The following COL12A1 variants were observed in gnomAD, a reference collection of about 807,000 sequenced individuals.
COL12A1 encodes collagen type XII alpha 1 chain.
Under a neutral mutation model 349.7 loss-of-function variants are expected in COL12A1, and 114 were observed. The ratio of observed to expected loss-of-function variants is 0.33; its 90% CI spans 0.28 to 0.38. COL12A1 has a LOEUF of 0.38. COL12A1 is among the 10% of genes least tolerant of loss of function. The pLI, the probability that COL12A1 is intolerant of heterozygous loss-of-function variation, is 1.00. For missense variants in COL12A1, 3,284 were observed against 3,756.9 expected (o/e 0.87, Z 3.29); for synonymous variants, 1,369 against 1,329.0 (o/e 1.03, Z -0.66).
rs890624153 is a variant in COL12A1 at position 75,117,679 on chromosome 6, G to A, written c.7355-133C>T. On this transcript the variant is annotated intron_variant, in intron 46 of 65. Transcript: ENST00000322507. The stretch of plus-strand genomic sequence containing the variant: ...TATGCAGCAAGTCCTTTTACTTGAC[G>A]TGAACTCTCTTTAATAAATACATAC... 2.7e-5 allele frequency: 22 copies of A among 810,198 alleles called. No homozygotes were observed. The East Asian group carries it at 4.0e-4, about 15-fold the overall frequency. 50.2% of individuals were successfully genotyped at this position (810,198 alleles called of 1,614,324 possible).
Position 75,181,074 on chromosome 6 carries a change from C to A in COL12A1, c.2029G>T (p.Val677Leu), listed in dbSNP as rs1467680518. The A allele has an allele frequency of 2.5e-6, 4 of 1,614,082 alleles. No individual in the cohort carries two copies. The South Asian group carries it at 4.4e-5, about 18-fold the overall frequency. ...CTGGTGCTCGATGCTGGCTCCACCA[C>A]AGTGACCTCATCATCCCCAGCCGCT... ...KEAAGDDEVT[V>L]VEPASSTSVV... The change falls in exon 11 of 66, where the codon GTG (valine) becomes TTG (leucine). Residue 677 changes from valine (V) to leucine (L), a missense_variant. Transcript: ENST00000322507.
At position 75,085,411 on chromosome 6, in the gene COL12A1, C is replaced by CACAA. The variant is rs1416614481; in HGVS notation, c.*1135_*1136insTTGT. On this transcript the variant is annotated 3_prime_UTR_variant, in exon 66 of 66. Coordinates refer to ENST00000322507, the MANE Select transcript of COL12A1 (RefSeq NM_004370.6). The stretch of plus-strand genomic sequence containing the variant: ...ATTATGGCATGATTTGGAAGGCACA[C>CACAA]ACACACACACACAGCAAAAGCTAAA... The CACAA allele has an allele frequency of 1.3e-5, 6 of 461,126 alleles. No individual in the cohort carries two copies. Among genetic ancestry groups the CACAA allele is most frequent in the Non-Finnish European group, 2.7e-5 (6 of 219,686 alleles). 28.6% of individuals were successfully genotyped at this position (461,126 alleles called of 1,614,324 possible).
intron 8 of COL12A1, 74 bp downstream of exon 8, chr6:75,188,288 A>G: frequency 7.1e-7 from 1 of 1,413,000 alleles, no homozygotes; most frequent in Non-Finnish European, 9.6e-7. Flanking sequence ...AAATATGTCT[A>G]CTTCTAAGAT....
intron 13 of COL12A1, among the ~76,000 whole-genome samples, chr6:75,174,424 C>T (rs1256063905): frequency 2.6e-5 from 4 of 152,058 alleles, no homozygotes; most frequent in Admixed American, 6.6e-5. Flanking sequence ...GGCGTGGTGG[C>T]GGGCGCCTGT....
In COL12A1 at chr6:75,156,389, C is replaced by A. The variant is rs556953110; in HGVS notation, c.3118G>T (p.Val1040Phe). Residue 1040 changes from valine (V) to phenylalanine (F), a missense_variant, in exon 15 of 66, where the codon GTT becomes TTT. This residue lies in a region of COL12A1 where 2,601 missense variants were observed against 2,824.8 expected (regional missense o/e 0.92). Transcript: ENST00000322507. ...YRPHGRGKQM[V>F]AKVPPTVTST... ...GTGACTGTGGGGGGCACCTTAGCAA[C>A]CATTTGCTTCCCTCTCCCATGAGGG... 6.2e-7 allele frequency: 1 copy of A among 1,613,908 alleles called. No homozygotes were observed. The highest frequency in any genetic ancestry group is 1.3e-5 in the African/African-American group (1 of 75,034).
In COL12A1 at chr6:75,180,954, C is replaced by G; in HGVS notation, c.2149G>C (p.Glu717Gln). 1 of 1,612,860 alleles carries G rather than the reference C, an allele frequency of 6.2e-7. No homozygotes were observed. The highest frequency in any genetic ancestry group is 8.5e-7 in the Non-Finnish European group (1 of 1,179,062). ...DGFSIPLAGE[E>Q]TTEEVKGAPR... ...CCCATCACACCTTCTTCGGTGGTCTCCTCTCCAGCTAAGGGAATGCTGAAG... is the reference window on the plus strand; with the variant it reads ...CCCATCACACCTTCTTCGGTGGTCTGCTCTCCAGCTAAGGGAATGCTGAAG... The change falls in exon 11 of 66, where the codon GAG becomes CAG. Residue 717 changes from glutamate to glutamine, a missense_variant. Glu to Gln is a conservative substitution (Grantham distance 29). Around this residue, in one of 2 missense-constraint regions of COL12A1, gnomAD observed 2,601 missense variants for 2,824.8 expected, o/e 0.92. Coordinates refer to ENST00000322507, the MANE Select transcript of COL12A1 (RefSeq NM_004370.6).
intron 14 of COL12A1, among the ~76,000 whole-genome samples, chr6:75,157,162 C>A (rs948556875): frequency 6.6e-5 from 10 of 151,974 alleles, no homozygotes; most frequent in African/African-American, 2.4e-4. Context: ...TTATTAAATT[C>A]CGTTTACTAA....
At chr6:75,181,318 G>T in intron 10 of COL12A1, 107 bp from the exon 11 acceptor site, 1 of 1,111,180 alleles carries the variant, frequency 9.0e-7, no homozygotes, top group Non-Finnish European at 1.3e-6. Flanking sequence ...TTGGGAGAAT[G>T]GTGCTCATTG....
intron 4 of COL12A1, 40 bp downstream of exon 4, chr6:75,192,172 T>C (rs1377825748): frequency 2.1e-6 from 3 of 1,407,956 alleles, no homozygotes; most frequent in South Asian, 3.1e-5. Flanking sequence ...TTCTGCAAAA[T>C]AAAAATTATA....
chr6:75,171,332 A>AC (rs1423947150), intron 13 of COL12A1, among the ~76,000 whole-genome samples: 2 of 152,222 alleles, frequency 1.3e-5, no homozygotes, highest in East Asian at 3.8e-4. Context: ...ACTACAGCCA[A>AC]CCATGAACTT....
At chr6:75,198,879 C>G (rs1391365679) in intron 2 of COL12A1, among the ~76,000 whole-genome samples, 1 of 152,152 alleles carries the variant, frequency 6.6e-6, no homozygotes, top group Non-Finnish European at 1.5e-5. Context: ...GATAACAACA[C>G]TGGAAAGGAT....
chr6:75,194,794 G>A, intron 3 of COL12A1, 37 bp downstream of exon 3: 1 of 1,306,340 alleles, frequency 7.7e-7, no homozygotes, highest in Non-Finnish European at 1.1e-6. Flanking sequence ...ATATCATCAT[G>A]ATGCTTCTGT....
chr6:75,127,400 T>C (rs543062724), intron 38 of COL12A1, among the ~76,000 whole-genome samples: 57 of 152,298 alleles, frequency 3.7e-4, no homozygotes, highest in African/African-American at 1.1e-3. Flanking sequence ...ATGTCACCTC[T>C]TCAAATTCTG....
At chr6:75,196,305 T>A (rs1293451478) in intron 2 of COL12A1, among the ~76,000 whole-genome samples, 2 of 152,350 alleles carry the variant, frequency 1.3e-5, no homozygotes, top group East Asian at 3.9e-4. Flanking sequence ...GAGATTACAA[T>A]TTCCTTTCAG....
intron 61 of COL12A1, 23 bp downstream of exon 61, chr6:75,091,467 T>TA: frequency 6.2e-7 from 1 of 1,612,868 alleles, no homozygotes; most frequent in Non-Finnish European, 8.5e-7. Context: ...AAAATAAACG[T>TA]AAGATTTTTT....
At chr6:75,162,637 C>T (rs1210296585) in intron 14 of COL12A1, among the ~76,000 whole-genome samples, 1 of 152,082 alleles carries the variant, frequency 6.6e-6, no homozygotes, top group Non-Finnish European at 1.5e-5. Flanking sequence ...AAAGCAATGG[C>T]AATAAAAGCC....
chr6:75,192,350 G>A lies in COL12A1; in HGVS notation c.196C>T (p.Pro66Ser). 1.9e-6 allele frequency: 3 copies of A among 1,610,248 alleles called. No individual in the cohort carries two copies. Reference protein sequence around the residue: ...RITVDPTTDGPTKEFTLSAST... With the variant: ...RITVDPTTDGSTKEFTLSAST... Reference sequence around the variant, plus strand: ...GCTGAAAGGGTAAATTCTTTAGTAGGCCCATCTGGAAATATAAAAAGGAAA... The same window carrying A: ...GCTGAAAGGGTAAATTCTTTAGTAGACCCATCTGGAAATATAAAAAGGAAA... Residue 66 changes from proline to serine, a missense_variant, in exon 4 of 66, where the codon CCT (proline) becomes TCT (serine). Pro to Ser is a moderately conservative substitution (Grantham distance 74, BLOSUM62 -1). Coordinates refer to ENST00000322507, the MANE Select transcript of COL12A1 (RefSeq NM_004370.6).
At chr6:75,130,746 G>T in intron 36 of COL12A1, 106 bp downstream of exon 36, 2 of 1,436,698 alleles carry the variant, frequency 1.4e-6, no homozygotes, top group Non-Finnish European at 1.9e-6. Context: ...ATCCCAGGCA[G>T]AAAGCACCCA....
At chr6:75,139,975 G>GA (rs1302794233) in intron 27 of COL12A1, among the ~76,000 whole-genome samples, 1 of 152,100 alleles carries the variant, frequency 6.6e-6, no homozygotes, top group Non-Finnish European at 1.5e-5. Context: ...TAATTACAAT[G>GA]AAAAGGCCCA....
Sources: allele counts gnomAD v4.1 joint callset (sites outside exome capture counted in the v4.1 genomes callset), GRCh38; gene constraint gnomAD v4.1.1; regional missense constraint gnomAD v4.1.1; transcripts MANE v1.5; gene names NCBI Gene and HGNC (gene_info 2026-07-23, HGNC 2026-07-21).